The following DPT variants were observed in gnomAD, a reference collection of about 807,000 sequenced individuals.
DPT encodes the protein tyrosine-rich acidic matrix protein.
A neutral mutation model predicts 31.2 loss-of-function variants in DPT; 21 were observed. The ratio of observed to expected loss-of-function variants is 0.67; its 90% CI spans 0.48 to 0.97. The LOEUF is 0.97. Ranked by LOEUF, DPT falls within the 50% of genes least tolerant of loss-of-function variation. DPT has a pLI of 0.00. For synonymous variants in DPT, 91 were observed against 86.9 expected (o/e 1.05, Z -0.26); for missense variants, 262 against 258.8 (o/e 1.01, Z -0.08).
chr1:168,726,938 C>T (rs988215290), intron 1 of DPT, among the ~76,000 whole-genome samples: 7 of 152,230 alleles, frequency 4.6e-5, no homozygotes, highest in African/African-American at 1.2e-4. Flanking sequence ...TCCACAGCCC[C>T]GGCACCCTCA....
chr1:168,707,140 A>G (rs373291502), intron 2 of DPT, among the ~76,000 whole-genome samples: 1 of 152,206 alleles, frequency 6.6e-6, no homozygotes, highest in Admixed American at 6.5e-5. Context: ...AGGGAGCCAC[A>G]ACTTCTATAG....
Position 168,696,198 on chromosome 1 carries a change from T to C in DPT, c.*351A>G. On this transcript the variant is annotated 3_prime_UTR_variant, in exon 4 of 4. Coordinates refer to ENST00000367817, the MANE Select transcript of DPT (RefSeq NM_001937.5). Reference sequence around the variant, plus strand: ...CCTCTCCCCTCCACTATGCTGAACTTGCAGTTCATTCTGCAGTAAAAAGCA... The same window carrying C: ...CCTCTCCCCTCCACTATGCTGAACTCGCAGTTCATTCTGCAGTAAAAAGCA... 1 of 430,346 alleles carries C rather than the reference T, an allele frequency of 2.3e-6. No homozygotes were observed. The allele number at this position is 430,346 out of a possible 1,614,324, so 26.7% of individuals were successfully genotyped here.
intron 3 of DPT, among the ~76,000 whole-genome samples, chr1:168,699,168 T>A (rs1229206024): frequency 6.6e-6 from 1 of 152,208 alleles, no homozygotes. Flanking sequence ...AATTCCTGCT[T>A]TCTTAAACAG....
chr1:168,723,401 T>C (rs936789050), intron 1 of DPT, among the ~76,000 whole-genome samples: 7 of 152,224 alleles, frequency 4.6e-5, no homozygotes, highest in African/African-American at 1.7e-4. Flanking sequence ...CTGTATGTTA[T>C]TCATCTCCAT....
intron 3 of DPT, among the ~76,000 whole-genome samples, chr1:168,697,776 C>G (rs1238862519): frequency 6.6e-6 from 1 of 152,096 alleles, no homozygotes; most frequent in African/African-American, 2.4e-5. Context: ...GGTGAAAAAC[C>G]AGGCTCAGAG....
intron 2 of DPT, among the ~76,000 whole-genome samples, chr1:168,710,692 T>C (rs1482903853): frequency 1.3e-5 from 2 of 151,762 alleles, no homozygotes; most frequent in Admixed American, 1.3e-4. Context: ...TTCTAAAGTA[T>C]GTGAGAGGAA....
At chr1:168,709,745 G>A (rs1371057477) in intron 2 of DPT, among the ~76,000 whole-genome samples, 1 of 152,204 alleles carries the variant, frequency 6.6e-6, no homozygotes, top group Non-Finnish European at 1.5e-5. Context: ...CCACCCACAT[G>A]GGTCCAGTTC....
Position 168,695,963 on chromosome 1 carries a change from C to G in DPT, c.*586G>C. On this transcript the variant is annotated 3_prime_UTR_variant, in exon 4 of 4. Transcript: ENST00000367817. ...CCTGTTTTCAGCTCTGCCTCCAAAC[C>G]CTTCCATTTCCCCATTTCACCTCCC... 2.6e-6 allele frequency: 1 copy of G among 386,040 alleles called. No individual in the cohort carries two copies. The highest frequency in any genetic ancestry group is 1.4e-4 in the South Asian group (1 of 6,908). The allele number at this position is 386,040 out of a possible 1,614,324, so 23.9% of individuals were successfully genotyped here.
At chr1:168,705,066 A>G (rs74122767) in intron 2 of DPT, among the ~76,000 whole-genome samples, 4,307 of 152,338 alleles carry the variant, frequency 0.028, 218 homozygotes, top group African/African-American at 0.099. Context: ...CTAGTTATAT[A>G]CAGTGGCCAA....
At chr1:168,715,623 G>C (rs1649965512) in intron 1 of DPT, among the ~76,000 whole-genome samples, 1 of 152,212 alleles carries the variant, frequency 6.6e-6, no homozygotes, top group African/African-American at 2.4e-5. Flanking sequence ...ACAATGTATT[G>C]ACGAATTTCA....
chr1:168,700,295 G>A (rs1649565702), intron 3 of DPT, among the ~76,000 whole-genome samples: 1 of 152,172 alleles, frequency 6.6e-6, no homozygotes, highest in Non-Finnish European at 1.5e-5. Flanking sequence ...CATCTCTGAA[G>A]CAGCGAGCAA....
chr1:168,729,006 C>A lies in DPT; in HGVS notation c.169G>T (p.Val57Leu). 6.2e-7 allele frequency: 1 copy of A among 1,614,242 alleles called. No individual in the cohort carries two copies. Among genetic ancestry groups the A allele is most frequent in the East Asian group, 2.2e-5 (1 of 44,890 alleles). The change falls in exon 1 of 4, where the codon GTG becomes TTG. Residue 57 changes from valine to leucine, a missense_variant. By Grantham distance (32) the Val-to-Leu change is conservative (BLOSUM62 1). Transcript: ENST00000367817. Reference protein sequence around the residue: ...SYQCPQGQVIVAVRSIFSKKE... With the variant: ...SYQCPQGQVILAVRSIFSKKE... ...TTGCTGAAGATGCTCCTCACGGCCA[C>A]TATCACCTGCCCCTGGGGACACTGG...
chr1:168,702,059 C>G (rs1649610774), intron 2 of DPT, among the ~76,000 whole-genome samples: 1 of 152,162 alleles, frequency 6.6e-6, no homozygotes, highest in Non-Finnish European at 1.5e-5. Context: ...TCTAGAATCC[C>G]CCAGTTCTCA....
Position 168,702,332 on chromosome 1 carries a change from G to A in DPT, c.432-1208C>T, listed in dbSNP as rs559932596. The stretch of plus-strand genomic sequence containing the variant: ...GATTTATAAACTGTAAGGGCTCCTA[G>A]GAGGATCTCAGTGCACAGATGGAGA... On this transcript the variant is annotated intron_variant, in intron 2 of 3. Coordinates refer to ENST00000367817, the MANE Select transcript of DPT (RefSeq NM_001937.5). Among the ~76,000 whole-genome samples, 3 of 152,286 alleles carry A rather than the reference G, an allele frequency of 2.0e-5. No individual in the cohort carries two copies. The South Asian group carries it at 6.2e-4, about 32-fold the overall frequency.
intron 1 of DPT, among the ~76,000 whole-genome samples, chr1:168,722,599 C>T (rs911645043): frequency 2.2e-4 from 34 of 152,248 alleles, no homozygotes; most frequent in African/African-American, 7.0e-4. Context: ...CACCATTTTA[C>T]GTATAAGGAA....
chr1:168,728,489 G>A (rs980888229), intron 1 of DPT, among the ~76,000 whole-genome samples: 6 of 152,152 alleles, frequency 3.9e-5, no homozygotes, highest in African/African-American at 1.4e-4. Flanking sequence ...ATGCCATTCC[G>A]ATGGCACAGA....
Position 168,695,534 on chromosome 1 carries a change from CAGG to C in DPT, c.*1012_*1014del, listed in dbSNP as rs1339838251. On this transcript the variant is annotated 3_prime_UTR_variant, in exon 4 of 4. Coordinates refer to ENST00000367817, the MANE Select transcript of DPT (RefSeq NM_001937.5). ...ACAAATGGTTGGGAGCAGGACATCA[CAGG>C]AGGAGGAAAGATAGCGCCATCTCTG... 6.6e-6 allele frequency: 1 copy of C among 152,146 alleles called. No homozygotes were observed. Among genetic ancestry groups the C allele is most frequent in the Non-Finnish European group, 1.5e-5 (1 of 68,036 alleles). The allele number at this position is 152,146 out of a possible 1,614,324, so 9.4% of individuals were successfully genotyped here. A position where few individuals can be genotyped will look rare whatever the true frequency, so the allele number is the denominator to read the frequency against.
rs953446713 is a variant in DPT, at chr1:168,728,973, C to T, written c.202G>A (p.Gly68Ser). The T allele has an allele frequency of 1.9e-6, 3 of 1,614,210 alleles. No homozygotes were observed. The highest frequency in any genetic ancestry group is 2.2e-5 in the East Asian group (1 of 44,882). Residue 68 changes from glycine (G) to serine (S), a missense_variant, in exon 1 of 4, where the codon GGT (glycine) becomes AGT (serine). Physicochemically the swap from Gly to Ser is moderately conservative, Grantham distance 56. Transcript: ENST00000367817. ...AVRSIFSKKE[G>S]SDRQWNYACM... is the part of the protein sequence containing the mutation. ...GCGTAGTTCCATTGTCTGTCAGAAC[C>T]TTCCTTCTTGCTGAAGATGCTCCTC... is the stretch of plus-strand genomic sequence containing the variant.
chr1:168,726,539 C>T (rs1292954361), intron 1 of DPT, among the ~76,000 whole-genome samples: 1 of 152,178 alleles, frequency 6.6e-6, no homozygotes, highest in Non-Finnish European at 1.5e-5. Context: ...GAGGGCTGAG[C>T]GTCTGGGCCA....
Sources: allele counts gnomAD v4.1 joint callset (sites outside exome capture counted in the v4.1 genomes callset), GRCh38; gene constraint gnomAD v4.1.1; transcripts MANE v1.5; gene names NCBI Gene and HGNC (gene_info 2026-07-23, HGNC 2026-07-21).